HS2ST1: variants seen among roughly 807,000 people sequenced by gnomAD.
HS2ST1 encodes the protein heparan sulfate 2-O-sulfotransferase 1.
A neutral mutation model predicts 42.9 loss-of-function variants in HS2ST1; 18 were observed. The ratio of observed to expected loss-of-function variants is 0.42; its 90% CI spans 0.29 to 0.62. The LOEUF (loss-of-function observed/expected upper bound fraction) is 0.62. Ranked by LOEUF, HS2ST1 falls within the 20% of genes least tolerant of loss-of-function variation. The pLI, the probability that HS2ST1 is intolerant of heterozygous loss-of-function variation, is 0.21. For missense variants in HS2ST1, 334 were observed against 433.8 expected, an observed-to-expected ratio of 0.77 and a Z score of 2.04; for synonymous variants, 146 against 152.9, an observed-to-expected ratio of 0.95 and a Z score of 0.33.
chr1:86,983,679 G>A (rs1364404725), intron 1 of HS2ST1, among the ~76,000 whole-genome samples: 5 of 152,046 alleles, frequency 3.3e-5, no homozygotes, highest in Admixed American at 2.6e-4. Context: ...ACGGTATATT[G>A]CCTAGTAATA....
At chr1:86,927,186 A>G (rs1660439472) in intron 1 of HS2ST1, among the ~76,000 whole-genome samples, 1 of 152,226 alleles carries the variant, frequency 6.6e-6, no homozygotes, top group African/African-American at 2.4e-5. Flanking sequence ...GTAATGGGGA[A>G]GAGAATCAGA....
chr1:86,919,307 A>G (rs1456272374), intron 1 of HS2ST1, among the ~76,000 whole-genome samples: 2 of 152,190 alleles, frequency 1.3e-5, no homozygotes, highest in African/African-American at 2.4e-5. Flanking sequence ...TTTTGCTCAT[A>G]TAGAAGTTTT....
intron 1 of HS2ST1, among the ~76,000 whole-genome samples, chr1:86,998,362 A>C (rs1412276221): frequency 6.6e-6 from 1 of 152,180 alleles, no homozygotes; most frequent in Non-Finnish European, 1.5e-5. Context: ...TACTGCTGAG[A>C]ATTATTTTTT....
Position 87,012,943 on chromosome 1 carries a change from G to A in HS2ST1, c.125-59991G>A, listed in dbSNP as rs79922825. 4.8e-4 allele frequency among the ~76,000 whole-genome samples: 73 copies of A among 152,332 alleles called. 1 individual carries two copies. In the East Asian group the frequency reaches 0.013, roughly 27 times the overall value. On this transcript the variant is annotated intron_variant, in intron 1 of 6. Coordinates refer to ENST00000370550, the MANE Select transcript of HS2ST1 (RefSeq NM_012262.4). ...ACTCCCTATCTTACATCCAGGTCACGCTGATGCAGGAGGTGGGCTTCCCCA... is the reference window on the plus strand; with the variant it reads ...ACTCCCTATCTTACATCCAGGTCACACTGATGCAGGAGGTGGGCTTCCCCA...
At chr1:86,996,994 C>A (rs1557509316) in intron 1 of HS2ST1, among the ~76,000 whole-genome samples, 1 of 152,064 alleles carries the variant, frequency 6.6e-6, no homozygotes, top group Non-Finnish European at 1.5e-5. Context: ...TATTTGAAAG[C>A]CTTGGAGAGC....
intron 1 of HS2ST1, among the ~76,000 whole-genome samples, chr1:87,033,315 G>T (rs1650286983): frequency 6.6e-6 from 1 of 152,096 alleles, no homozygotes; most frequent in South Asian, 2.1e-4. Context: ...TGGTGAACTA[G>T]AATGGATGAG....
intron 5 of HS2ST1, among the ~76,000 whole-genome samples, chr1:87,101,115 T>C (rs1469682205): frequency 1.3e-5 from 2 of 149,734 alleles, no homozygotes; most frequent in Non-Finnish European, 3.0e-5. Context: ...TTCTGCCAGA[T>C]GTCCTAAGTC....
intron 1 of HS2ST1, among the ~76,000 whole-genome samples, chr1:87,025,658 C>A (rs554468024): frequency 3.1e-4 from 47 of 152,238 alleles, no homozygotes; most frequent in African/African-American, 1.1e-3. Flanking sequence ...TACTTTCCAT[C>A]AATAATTTAA....
At chr1:86,953,885 G>T (rs964704905) in intron 1 of HS2ST1, among the ~76,000 whole-genome samples, 3 of 152,028 alleles carry the variant, frequency 2.0e-5, no homozygotes, top group African/African-American at 7.2e-5. Context: ...CCCAGGAATA[G>T]GGAAGCCTGA....
At chr1:87,058,405 A>T (rs1168565542) in intron 1 of HS2ST1, among the ~76,000 whole-genome samples, 1 of 151,606 alleles carries the variant, frequency 6.6e-6, no homozygotes, top group Non-Finnish European at 1.5e-5. Flanking sequence ...AGAGACTGTT[A>T]GTCATTTTTA....
chr1:86,977,616 A>G (rs1450964181), intron 1 of HS2ST1, among the ~76,000 whole-genome samples: 1 of 152,250 alleles, frequency 6.6e-6, no homozygotes, highest in Non-Finnish European at 1.5e-5. Flanking sequence ...CTTAAAAGGA[A>G]GATACTCACT....
In HS2ST1 at chr1:87,107,341, C is replaced by T. The variant is rs967942905; in HGVS notation, c.*2645C>T. The T allele has an allele frequency of 3.3e-5, 5 of 151,848 alleles. No homozygotes were observed. Among genetic ancestry groups the T allele is most frequent in the Non-Finnish European group, 7.4e-5 (5 of 67,900 alleles). The allele number at this position is 151,848 out of a possible 1,614,324, so 9.4% of individuals were successfully genotyped here. A position where few individuals can be genotyped will look rare whatever the true frequency, so the allele number is the denominator to read the frequency against. On this transcript the variant is annotated 3_prime_UTR_variant, in exon 7 of 7. Coordinates refer to ENST00000370550, the MANE Select transcript of HS2ST1 (RefSeq NM_012262.4). ...CCAGTTTAACAGTTCAGAATAGGGGCATTTATTTTATCATATTTTAGGGTG... is the reference window on the plus strand; with the variant it reads ...CCAGTTTAACAGTTCAGAATAGGGGTATTTATTTTATCATATTTTAGGGTG...
chr1:87,036,700 ATTGTAAAATTACC>A (rs1650383448), intron 1 of HS2ST1, among the ~76,000 whole-genome samples: 1 of 152,190 alleles, frequency 6.6e-6, no homozygotes, highest in African/African-American at 2.4e-5. Context: ...TGGTGTACTA[ATTGTAAAATTACC>A]TTGACCAAAC....
At chr1:86,937,583 C>T (rs1417144819) in intron 1 of HS2ST1, among the ~76,000 whole-genome samples, 1 of 152,064 alleles carries the variant, frequency 6.6e-6, no homozygotes, top group Non-Finnish European at 1.5e-5. Context: ...AGCTTCCTTC[C>T]CATTGTGGGA....
At chr1:87,103,751 CT>C (rs1275480634) in intron 6 of HS2ST1, among the ~76,000 whole-genome samples, 162 bp downstream of exon 6, 2 of 152,086 alleles carry the variant, frequency 1.3e-5, no homozygotes, top group African/African-American at 4.8e-5. Context: ...AATTGAGTAA[CT>C]GTGAATTAGG....
intron 1 of HS2ST1, among the ~76,000 whole-genome samples, chr1:86,999,320 A>T (rs1649206035): frequency 6.6e-6 from 1 of 152,058 alleles, no homozygotes; most frequent in Non-Finnish European, 1.5e-5. Context: ...CTGGGATTAC[A>T]GGCATGCACC....
At position 87,103,603 on chromosome 1, in the gene HS2ST1, G is replaced by C. The variant is rs764800447; in HGVS notation, c.844+14G>C. 1.3e-6 allele frequency: 2 copies of C among 1,521,798 alleles called. No homozygotes were observed. The highest frequency in any genetic ancestry group is 1.8e-6 in the Non-Finnish European group (2 of 1,139,448). 94.3% of individuals were successfully genotyped at this position (1,521,798 alleles called of 1,614,324 possible). A position where few individuals can be genotyped will look rare whatever the true frequency, so the allele number is the denominator to read the frequency against. On this transcript the variant is annotated intron_variant, in intron 6 of 6. Coordinates refer to ENST00000370550, the MANE Select transcript of HS2ST1 (RefSeq NM_012262.4). ...TCTATCGCACAGGTATATAAAGGAA[G>C]GGTTTCTTTTTAAAGCTTTCTTTGG...
chr1:86,915,021 C>G lies in HS2ST1; in HGVS notation c.-16C>G, dbSNP rs772065252. 49 of 1,614,048 alleles carry G rather than the reference C, an allele frequency of 3.0e-5. No individual in the cohort carries two copies. Among genetic ancestry groups the G allele is most frequent in the Non-Finnish European group, 3.7e-5 (44 of 1,180,004 alleles). ...CCGCCCCCCGCGGTATGTCTTGATC[C>G]CGAGCAGCGGGTTTCATGGGGCTCC... is the stretch of plus-strand genomic sequence containing the variant. On this transcript the variant is annotated 5_prime_UTR_variant, in exon 1 of 7. Transcript: ENST00000370550.
intron 1 of HS2ST1, among the ~76,000 whole-genome samples, chr1:87,059,149 A>T (rs1213746582): frequency 1.3e-5 from 2 of 152,218 alleles, no homozygotes; most frequent in Non-Finnish European, 2.9e-5. Flanking sequence ...TGATAATTAT[A>T]TACCTATTGG....
Sources: gnomAD v4.1 joint callset for allele counts (sites outside exome capture counted in the v4.1 genomes callset) on GRCh38, gnomAD v4.1.1 for gene constraint, MANE v1.5 for transcripts, NCBI Gene and HGNC (gene_info 2026-07-23, HGNC 2026-07-21) for gene names.